The following HPSE2 variants were observed in gnomAD, a reference collection of about 807,000 sequenced individuals.
HPSE2 encodes heparanase 2 (inactive).
Under a neutral mutation model 60.5 loss-of-function variants are expected in HPSE2, and 38 were observed. That is an observed-to-expected ratio of 0.63 (90% CI 0.48 to 0.82). The LOEUF (loss-of-function observed/expected upper bound fraction) is 0.82, where lower values mean the gene tolerates loss of function less well. Ranked by LOEUF, HPSE2 falls within the 40% of genes least tolerant of loss-of-function variation. HPSE2 has a pLI of 0.00. For missense variants in HPSE2, 713 were observed against 740.4 expected (o/e 0.96, Z 0.43); for synonymous variants, 295 against 293.2 (o/e 1.01, Z -0.06).
At chr10:98,619,559 T>C (rs1054125617) in intron 8 of HPSE2, among the ~76,000 whole-genome samples, 2 of 152,212 alleles carry the variant, frequency 1.3e-5, no homozygotes, top group African/African-American at 4.8e-5. Flanking sequence ...CCTCACTTCC[T>C]CTACCGGGTT....
At chr10:99,002,373 AT>A (rs1956796785) in intron 3 of HPSE2, among the ~76,000 whole-genome samples, 1 of 152,110 alleles carries the variant, frequency 6.6e-6, no homozygotes, top group Non-Finnish European at 1.5e-5. Flanking sequence ...TACGGTATGG[AT>A]ACCGAGGAAG....
At chr10:98,957,665 G>A (rs1955544562) in intron 3 of HPSE2, among the ~76,000 whole-genome samples, 1 of 152,092 alleles carries the variant, frequency 6.6e-6, no homozygotes, top group Non-Finnish European at 1.5e-5. Context: ...ACGTGGCTCT[G>A]GTTCTTGAGT....
chr10:99,220,716 T>A (rs1370075292), intron 2 of HPSE2, among the ~76,000 whole-genome samples: 5 of 150,052 alleles, frequency 3.3e-5, no homozygotes, highest in Admixed American at 6.6e-5. Context: ...GGCAGGAGAA[T>A]CTCTTGAACC....
At chr10:98,987,005 C>T (rs1268349257) in intron 3 of HPSE2, among the ~76,000 whole-genome samples, 2 of 152,064 alleles carry the variant, frequency 1.3e-5, no homozygotes, top group Admixed American at 1.3e-4. Flanking sequence ...TAATTAACAG[C>T]CTACCAACCA....
intron 10 of HPSE2, 95 bp downstream of exon 10, chr10:98,489,956 A>C (rs920021461): frequency 2.0e-6 from 3 of 1,475,666 alleles, no homozygotes; most frequent in Non-Finnish European, 2.8e-6. Flanking sequence ...GTTTTTGATA[A>C]GATTAGTGAA....
At chr10:98,882,275 A>G (rs1953044354) in intron 3 of HPSE2, among the ~76,000 whole-genome samples, 1 of 152,120 alleles carries the variant, frequency 6.6e-6, no homozygotes, top group African/African-American at 2.4e-5. Context: ...AGCTAGGAAT[A>G]AATGTTTATT....
chr10:99,155,821 T>A (rs1299604290), intron 2 of HPSE2, among the ~76,000 whole-genome samples: 21 of 150,214 alleles, frequency 1.4e-4, no homozygotes, highest in Non-Finnish European at 2.8e-4. Flanking sequence ...AGGAGCTGGT[T>A]TTTTGAAAGG....
rs757357509 is a variant in HPSE2 at position 98,693,854 on chromosome 10, T to A, written c.1004+46A>T. On this transcript the variant is annotated intron_variant, in intron 6 of 11. Coordinates refer to ENST00000370552, the MANE Select transcript of HPSE2 (RefSeq NM_021828.5). ...TAGTGACAACTAATTATCTTTCATTTCACAGCAGCTGATAATAAGTAAGAG... is the reference window on the plus strand; with the variant it reads ...TAGTGACAACTAATTATCTTTCATTACACAGCAGCTGATAATAAGTAAGAG... 41 of 1,361,346 alleles carry A rather than the reference T, an allele frequency of 3.0e-5. 1 individual carries two copies. The Admixed American group carries it at 4.2e-4, about 14-fold the overall frequency. 84.3% of individuals were successfully genotyped at this position (1,361,346 alleles called of 1,614,324 possible). A position where few individuals can be genotyped will look rare whatever the true frequency, so the allele number is the denominator to read the frequency against.
chr10:98,565,866 T>TCA (rs58360066), intron 9 of HPSE2, among the ~76,000 whole-genome samples: 2 of 151,042 alleles, frequency 1.3e-5, no homozygotes, highest in Admixed American at 6.6e-5. Flanking sequence ...ATCATCATCA[T>TCA]TATTGTTGTT....
chr10:98,727,110 A>G (rs1949105158), intron 4 of HPSE2, among the ~76,000 whole-genome samples: 1 of 152,172 alleles, frequency 6.6e-6, no homozygotes, highest in East Asian at 1.9e-4. Flanking sequence ...CTTAAGAGAT[A>G]TCAGTAGCTA....
chr10:98,780,119 T>C (rs2134449197), intron 3 of HPSE2, among the ~76,000 whole-genome samples: 1 of 152,148 alleles, frequency 6.6e-6, no homozygotes, highest in Admixed American at 6.6e-5. Flanking sequence ...ATGGTATATG[T>C]AGGAAGGCAG....
chr10:98,581,064 C>T (rs1944784737), intron 9 of HPSE2, among the ~76,000 whole-genome samples: 1 of 151,396 alleles, frequency 6.6e-6, no homozygotes. Context: ...CCTCAGCCTC[C>T]TGAGTAGCTG....
chr10:98,986,660 A>G lies in HPSE2; in HGVS notation c.610+157578T>C, dbSNP rs568041623. ...CTAAGATCAGAGCAGAACTGAAGGA[A>G]ATAGAGACACAAAAAACCCTTCAAA... On this transcript the variant is annotated intron_variant, in intron 3 of 11. Transcript: ENST00000370552. 9.6e-5 allele frequency among the ~76,000 whole-genome samples: 12 copies of G among 124,772 alleles called. No individual in the cohort carries two copies. In the South Asian group the frequency reaches 2.8e-3, roughly 29 times the overall value. The allele number at this position is 124,772 out of a possible 152,430, so 81.9% of individuals were successfully genotyped here.
At chr10:98,497,652 G>A (rs1365787172) in intron 9 of HPSE2, among the ~76,000 whole-genome samples, 3 of 152,090 alleles carry the variant, frequency 2.0e-5, no homozygotes, top group African/African-American at 7.2e-5. Flanking sequence ...TTTTCAGGGT[G>A]CATGCAATAA....
intron 2 of HPSE2, among the ~76,000 whole-genome samples, chr10:99,194,463 G>A (rs530134295): frequency 6.7e-6 from 1 of 150,152 alleles, no homozygotes; most frequent in Non-Finnish European, 1.5e-5. Context: ...AAAATACAAA[G>A]GATTGATAAA....
At chr10:99,146,253 T>C (rs1249584328) in intron 2 of HPSE2, among the ~76,000 whole-genome samples, 1 of 152,218 alleles carries the variant, frequency 6.6e-6, no homozygotes, top group East Asian at 1.9e-4. Flanking sequence ...TGGCAGACAT[T>C]GTTGACTGGC....
At chr10:98,609,704 G>A (rs892368953) in intron 9 of HPSE2, among the ~76,000 whole-genome samples, 2 of 152,120 alleles carry the variant, frequency 1.3e-5, no homozygotes, top group Non-Finnish European at 2.9e-5. Flanking sequence ...TTTAAGTGAT[G>A]GGAAAACTGG....
intron 3 of HPSE2, among the ~76,000 whole-genome samples, chr10:99,098,128 T>C (rs1843786358): frequency 1.3e-5 from 2 of 152,342 alleles, no homozygotes; most frequent in South Asian, 4.1e-4. Flanking sequence ...TACATATCTA[T>C]GGGTTCCACA....
the HPSE2 span, among the ~76,000 whole-genome samples, chr10:99,291,189 C>A: frequency 2.0e-5 from 3 of 152,054 alleles, no homozygotes; most frequent in Admixed American, 6.6e-5. Flanking sequence ...GCACACAAGG[C>A]CACAGGGGAT....
Sources: allele counts gnomAD v4.1 joint callset (sites outside exome capture counted in the v4.1 genomes callset), GRCh38; gene constraint gnomAD v4.1.1; transcripts MANE v1.5; gene names NCBI Gene and HGNC (gene_info 2026-07-23, HGNC 2026-07-21).